HSP90AA1: variants seen among roughly 807,000 people sequenced by gnomAD.
The protein encoded by HSP90AA1 is heat shock protein HSP 90-alpha.
In HSP90AA1, 18 loss-of-function variants were observed where a neutral mutation model predicts 73.3. That is an observed-to-expected ratio of 0.25 (90% confidence interval 0.17 to 0.36). The LOEUF (loss-of-function observed/expected upper bound fraction) is 0.36, where lower values mean the gene tolerates loss of function less well. Among genes scored for constraint, HSP90AA1 ranks in the 10% least tolerant of loss-of-function variants. The pLI, the probability that HSP90AA1 is intolerant of heterozygous loss-of-function variation, is 1.00. For synonymous variants in HSP90AA1, 477 were observed against 296.9 expected, an observed-to-expected ratio of 1.61 and a Z score of -6.24; for missense variants, 704 against 874.2, an observed-to-expected ratio of 0.81 and a Z score of 2.45.
chr14:102,084,750 A>G lies in HSP90AA1; in HGVS notation c.912T>C (p.Ile304=), dbSNP rs138662440. 1.1e-5 allele frequency: 17 copies of G among 1,614,002 alleles called. No homozygotes were observed. The African/African-American group carries it at 2.3e-4, about 22-fold the overall frequency. Residue 304 remains isoleucine (I), a synonymous_variant, in exon 5 of 11, where the codon ATT becomes ATC. Transcript: ENST00000216281. Reference sequence around the variant, plus strand: ...AGAATTCTCCGTACTCCTCATTAGTAATATCGTCGGGATTTCTGGTCCAGA... The same window carrying G: ...AGAATTCTCCGTACTCCTCATTAGTGATATCGTCGGGATTTCTGGTCCAGA... ...KPIWTRNPDD[I]TNEEYGEFYK...
intron 1 of HSP90AA1, among the ~76,000 whole-genome samples, chr14:102,110,890 G>GT (rs2049633798): frequency 6.6e-6 from 1 of 151,374 alleles, no homozygotes; most frequent in Non-Finnish European, 1.5e-5. Context: ...CCAATTTTTT[G>GT]TATTTTCAGT....
At chr14:102,092,996 C>T (rs117927081) in intron 2 of HSP90AA1, among the ~76,000 whole-genome samples, 13,875 of 151,970 alleles carry the variant, frequency 0.091, 1,028 homozygotes, top group African/African-American at 0.2. Context: ...CCGCCTGCCT[C>T]GGCCTCCCAA....
At chr14:102,122,817 G>GCA (rs1566734883) in intron 1 of HSP90AA1, among the ~76,000 whole-genome samples, 5 of 150,494 alleles carry the variant, frequency 3.3e-5, no homozygotes, top group Non-Finnish European at 7.4e-5. Context: ...ACAGGTGCCT[G>GCA]CCACCATGCC....
chr14:102,133,046 A>G (rs1048214336), intron 1 of HSP90AA1, among the ~76,000 whole-genome samples: 2 of 151,874 alleles, frequency 1.3e-5, no homozygotes, highest in Non-Finnish European at 2.9e-5. Flanking sequence ...TTGGGAGGCC[A>G]AGGCAGGTAG....
intron 1 of HSP90AA1, among the ~76,000 whole-genome samples, chr14:102,110,993 C>T (rs1372713205): frequency 6.6e-6 from 1 of 152,198 alleles, no homozygotes; most frequent in Non-Finnish European, 1.5e-5. Flanking sequence ...GCTGGGATTA[C>T]AGGCATGAGC....
intron 1 of HSP90AA1, among the ~76,000 whole-genome samples, chr14:102,115,763 A>C (rs561667079): frequency 6.6e-6 from 1 of 151,850 alleles, no homozygotes; most frequent in African/African-American, 2.4e-5. Context: ...AAAAAAGAAA[A>C]ATTTATCTGA....
chr14:102,099,420 C>T (rs946314570), intron 2 of HSP90AA1, among the ~76,000 whole-genome samples: 20 of 152,170 alleles, frequency 1.3e-4, no homozygotes, highest in African/African-American at 4.6e-4. Context: ...TAGCCAGGTG[C>T]GGTGGCGCAT....
chr14:102,083,518 G>A (rs2049145544), intron 8 of HSP90AA1, 28 bp downstream of exon 8: 1 of 1,607,430 alleles, frequency 6.2e-7, no homozygotes, highest in Non-Finnish European at 8.5e-7. Flanking sequence ...AGAACGACGT[G>A]TATGACTGTA....
intron 1 of HSP90AA1, among the ~76,000 whole-genome samples, chr14:102,137,913 G>A (rs2050037982): frequency 6.6e-6 from 1 of 151,796 alleles, no homozygotes; most frequent in East Asian, 2.0e-4. Flanking sequence ...TACTCGGGAG[G>A]CTGAAGCAGG....
At chr14:102,084,295 C>G in intron 6 of HSP90AA1, 104 bp downstream of exon 6, 1 of 1,080,996 alleles carries the variant, frequency 9.3e-7, no homozygotes, top group Non-Finnish European at 1.4e-6. Context: ...ATCTGCCCAC[C>G]CCGGCCTCCC....
intron 1 of HSP90AA1, among the ~76,000 whole-genome samples, chr14:102,118,067 G>C (rs966138916): frequency 6.6e-6 from 1 of 152,146 alleles, no homozygotes; most frequent in African/African-American, 2.4e-5. Context: ...CTCCACGCTC[G>C]TTCATACACC....
upstream of HSP90AA1, among the ~76,000 whole-genome samples, chr14:102,089,139 T>C (rs2049317802): frequency 6.6e-6 from 1 of 152,180 alleles, no homozygotes; most frequent in Non-Finnish European, 1.5e-5. Flanking sequence ...CAGGCTGGTC[T>C]CGAACCCGTG....
intron 1 of HSP90AA1, among the ~76,000 whole-genome samples, chr14:102,132,749 A>C (rs1364812933): frequency 6.6e-6 from 1 of 151,976 alleles, no homozygotes; most frequent in East Asian, 1.9e-4. Context: ...ACTTGAGGTC[A>C]GGAGTTCGAG....
intron 1 of HSP90AA1, among the ~76,000 whole-genome samples, chr14:102,131,358 C>G (rs1413719282): frequency 6.6e-6 from 1 of 152,178 alleles, no homozygotes; most frequent in Non-Finnish European, 1.5e-5. Flanking sequence ...GATTCTGTAG[C>G]CTCTTTTCAT....
At chr14:102,087,263 T>TCGCCGCCGCGCGCCTCTCGCA (rs2049268077), upstream of HSP90AA1, 1 of 548,892 alleles carries the variant, frequency 1.8e-6, no homozygotes, top group Non-Finnish European at 2.3e-6. Context: ...CTTCCCTCAA[T>TCGCCGCCGCGCGCCTCTCGCA]CGCCGCCGCG....
chr14:102,134,119 C>T (rs2049946181), intron 1 of HSP90AA1, among the ~76,000 whole-genome samples: 1 of 149,594 alleles, frequency 6.7e-6, no homozygotes, highest in South Asian at 2.1e-4. Context: ...CCACTGCACT[C>T]CAGCCTGGGC....
At chr14:102,130,274 AAT>A (rs1173273275) in intron 1 of HSP90AA1, among the ~76,000 whole-genome samples, 2 of 151,932 alleles carry the variant, frequency 1.3e-5, no homozygotes, top group Admixed American at 6.6e-5. Context: ...CGGCCGTGTG[AAT>A]ATGTTTTGAT....
At chr14:102,083,434 C>T in intron 8 of HSP90AA1, 112 bp downstream of exon 8, 2 of 1,413,570 alleles carry the variant, frequency 1.4e-6, no homozygotes, top group East Asian at 2.3e-5. Flanking sequence ...TGTTAATTAT[C>T]TTGCCTAGAT....
intron 2 of HSP90AA1, among the ~76,000 whole-genome samples, chr14:102,098,034 A>G (rs1245068785): frequency 1.3e-5 from 2 of 152,052 alleles, no homozygotes; most frequent in African/African-American, 4.8e-5. Flanking sequence ...ACAGGTCAAC[A>G]TTATCCCTTC....
Sources: allele counts gnomAD v4.1 joint callset (sites outside exome capture counted in the v4.1 genomes callset), GRCh38; gene constraint gnomAD v4.1.1; transcripts MANE v1.5; gene names NCBI Gene and HGNC (gene_info 2026-07-23, HGNC 2026-07-21).